XKR4: variants seen among roughly 807,000 people sequenced by gnomAD.
XKR4 encodes the protein XK-related protein 4.
In XKR4, 12 loss-of-function variants were observed where a neutral mutation model predicts 53.9. The ratio of observed to expected loss-of-function variants is 0.22; its 90% CI spans 0.14 to 0.36. XKR4 has a LOEUF of 0.36. XKR4 is among the 10% of genes least tolerant of loss of function. XKR4 has a pLI of 1.00. For missense variants in XKR4, 799 were observed against 859.5 expected, an observed-to-expected ratio of 0.93 and a Z score of 0.88; for synonymous variants, 354 against 362.4, an observed-to-expected ratio of 0.98 and a Z score of 0.26.
Position 55,470,277 on chromosome 8 carries a change from C to T in XKR4, c.1007-53004C>T, listed in dbSNP as rs1005644601. 3.9e-5 allele frequency among the ~76,000 whole-genome samples: 6 copies of T among 152,194 alleles called. No individual in the cohort carries two copies. The South Asian group carries it at 6.2e-4, about 16-fold the overall frequency. On this transcript the variant is annotated intron_variant, in intron 2 of 2. Transcript: ENST00000327381. ...CAAGACGAGGTGATATGGTTTTTGG[C>T]TGTGTCCCCACCCAAATCTCATCTT...
chr8:55,252,134 A>G (rs1420445189), intron 1 of XKR4, among the ~76,000 whole-genome samples: 2 of 152,226 alleles, frequency 1.3e-5, no homozygotes, highest in African/African-American at 4.8e-5. Flanking sequence ...AATTATGTGC[A>G]TTTGTAGAAA....
At chr8:55,421,515 G>A (rs117305866) in intron 2 of XKR4, among the ~76,000 whole-genome samples, 98 of 152,132 alleles carry the variant, frequency 6.4e-4, no homozygotes, top group African/African-American at 2.2e-3. Flanking sequence ...TCCAGGCATC[G>A]CACCTTGGCA....
At chr8:55,202,616 TC>T (rs1341747655) in intron 1 of XKR4, among the ~76,000 whole-genome samples, 2 of 152,188 alleles carry the variant, frequency 1.3e-5, no homozygotes, top group Non-Finnish European at 1.5e-5. Context: ...CAGCTGAAGG[TC>T]TGGGGTTTGC....
chr8:55,410,378 C>T (rs1310602419), intron 2 of XKR4, among the ~76,000 whole-genome samples: 1 of 152,206 alleles, frequency 6.6e-6, no homozygotes, highest in Non-Finnish European at 1.5e-5. Context: ...CCCTATTGGG[C>T]AGTCAAGGGT....
intron 1 of XKR4, among the ~76,000 whole-genome samples, chr8:55,200,973 A>C (rs551513269): frequency 1.3e-5 from 2 of 152,224 alleles, no homozygotes; most frequent in Non-Finnish European, 2.9e-5. Context: ...TATATTAACT[A>C]ATAATGTAGG....
chr8:55,475,758 A>T (rs941504658), intron 2 of XKR4, among the ~76,000 whole-genome samples: 2 of 151,772 alleles, frequency 1.3e-5, no homozygotes, highest in Non-Finnish European at 2.9e-5. Flanking sequence ...GCACACCACC[A>T]CGCCCAGCTA....
intron 1 of XKR4, among the ~76,000 whole-genome samples, chr8:55,270,774 G>A (rs1818679368): frequency 6.6e-6 from 1 of 152,138 alleles, no homozygotes; most frequent in Non-Finnish European, 1.5e-5. Context: ...TTTGGTGATA[G>A]CTCTCTTTGC....
intron 1 of XKR4, among the ~76,000 whole-genome samples, chr8:55,185,668 T>C (rs1817367481): frequency 6.6e-6 from 1 of 152,188 alleles, no homozygotes; most frequent in African/African-American, 2.4e-5. Context: ...TCACTTTCTA[T>C]AGCTAGGTAA....
rs563577244 is a variant in XKR4, at chr8:55,424,523, G to A, written c.1006+66646G>A. 5.3e-5 allele frequency among the ~76,000 whole-genome samples: 8 copies of A among 152,296 alleles called. No homozygotes were observed. In the East Asian group the frequency reaches 1.5e-3, roughly 29 times the overall value. The stretch of plus-strand genomic sequence containing the variant: ...TAATATTTTCAGAGATAAATACAAG[G>A]CATCTAATAAAAGGCACTGCTAAAT... On this transcript the variant is annotated intron_variant, in intron 2 of 2. Transcript: ENST00000327381.
intron 2 of XKR4, among the ~76,000 whole-genome samples, chr8:55,420,009 C>T (rs995321437): frequency 3.3e-5 from 5 of 152,212 alleles, no homozygotes; most frequent in Admixed American, 6.5e-5. Context: ...ATAAGGATCA[C>T]TCCAACAATT....
At chr8:55,387,079 TC>T (rs754681131) in intron 2 of XKR4, among the ~76,000 whole-genome samples, 2 of 152,234 alleles carry the variant, frequency 1.3e-5, no homozygotes, top group African/African-American at 2.4e-5. Flanking sequence ...AGCTTCCAGG[TC>T]CGCTTCTGTA....
At chr8:55,334,815 A>G (rs1803435453) in intron 1 of XKR4, among the ~76,000 whole-genome samples, 1 of 152,126 alleles carries the variant, frequency 6.6e-6, no homozygotes, top group South Asian at 2.1e-4. Flanking sequence ...CCTCAGACAC[A>G]TGTCTGAAGG....
At chr8:55,406,424 G>A (rs1804683023) in intron 2 of XKR4, among the ~76,000 whole-genome samples, 1 of 152,136 alleles carries the variant, frequency 6.6e-6, no homozygotes, top group Non-Finnish European at 1.5e-5. Flanking sequence ...CCATCTCATT[G>A]CACAGATGAG....
At chr8:55,466,666 C>G (rs890308751) in intron 2 of XKR4, among the ~76,000 whole-genome samples, 5 of 152,032 alleles carry the variant, frequency 3.3e-5, no homozygotes, top group Admixed American at 6.6e-5. Context: ...AAGCACATTT[C>G]TTTACCATCT....
chr8:55,413,978 C>T (rs1391215918), intron 2 of XKR4, among the ~76,000 whole-genome samples: 1 of 152,164 alleles, frequency 6.6e-6, no homozygotes, highest in African/African-American at 2.4e-5. Flanking sequence ...CCCATTGTTA[C>T]ATAAACTGTA....
chr8:55,455,249 G>A (rs562218692), intron 2 of XKR4: 5 of 183,142 alleles, frequency 2.7e-5, no homozygotes, highest in Non-Finnish European at 5.6e-5. Context: ...TTCGCTCCGC[G>A]GCGGCCGCAG....
chr8:55,170,582 T>C (rs1278800851), intron 1 of XKR4, among the ~76,000 whole-genome samples: 1 of 152,194 alleles, frequency 6.6e-6, no homozygotes, highest in Non-Finnish European at 1.5e-5. Flanking sequence ...CAAAGTAAAT[T>C]GTAGGGCTTT....
intron 1 of XKR4, among the ~76,000 whole-genome samples, chr8:55,231,436 G>A (rs181275383): frequency 5.8e-4 from 89 of 152,216 alleles, no homozygotes; most frequent in African/African-American, 2.0e-3. Context: ...GTGATTTAAC[G>A]TATACTGTTG....
intron 2 of XKR4, among the ~76,000 whole-genome samples, chr8:55,446,393 T>C (rs1805347121): frequency 6.6e-6 from 1 of 152,084 alleles, no homozygotes. Flanking sequence ...CCAAGCTAAA[T>C]TGCAGTGGTG....
Sources: allele counts gnomAD v4.1 joint callset (sites outside exome capture counted in the v4.1 genomes callset), GRCh38; gene constraint gnomAD v4.1.1; transcripts MANE v1.5; gene names NCBI Gene and HGNC (gene_info 2026-07-23, HGNC 2026-07-21).